AKAP13: variants seen among roughly 807,000 people sequenced by gnomAD.
The protein encoded by AKAP13 is A-kinase anchor protein 13.
In AKAP13, 80 loss-of-function variants were observed where a neutral mutation model predicts 264.5. That is an observed-to-expected ratio of 0.30 (90% confidence interval 0.25 to 0.36). The LOEUF (loss-of-function observed/expected upper bound fraction) is 0.36. Ranked by LOEUF, AKAP13 falls within the 10% of genes least tolerant of loss-of-function variation. AKAP13 has a pLI of 1.00. For missense variants in AKAP13, 3,712 were observed against 3,435.2 expected, an observed-to-expected ratio of 1.08 and a Z score of -2.01; for synonymous variants, 1,380 against 1,250.2, an observed-to-expected ratio of 1.10 and a Z score of -2.19.
At chr15:85,690,850 G>T (rs557932940) in intron 16 of AKAP13, among the ~76,000 whole-genome samples, 1 of 152,194 alleles carries the variant, frequency 6.6e-6, no homozygotes, top group African/African-American at 2.4e-5. Context: ...AGTTATTGGC[G>T]TGTGGCCTCA....
rs1353411659 is a variant in AKAP13, at chr15:85,747,102, G to T, written c.*2425G>T. On this transcript the variant is annotated 3_prime_UTR_variant, in exon 37 of 37. Transcript: ENST00000394518. ...ACTCAAAACGATTTGGTCAGGTTCT[G>T]GTTGGACAAGTTTAAAATCAAAGTA... 1 of 152,140 alleles carries T rather than the reference G, an allele frequency of 6.6e-6. No homozygotes were observed. Among genetic ancestry groups the T allele is most frequent in the African/African-American group, 2.4e-5 (1 of 41,416 alleles). The allele number at this position is 152,140 out of a possible 1,614,324, so 9.4% of individuals were successfully genotyped here.
intron 10 of AKAP13, among the ~76,000 whole-genome samples, chr15:85,648,739 T>C (rs1424045723): frequency 6.6e-6 from 1 of 152,108 alleles, no homozygotes; most frequent in Non-Finnish European, 1.5e-5. Flanking sequence ...TTCAGGAGGC[T>C]GAGGTGGGAA....
At chr15:85,612,281 T>G (rs1280801832) in intron 8 of AKAP13, among the ~76,000 whole-genome samples, 4 of 152,208 alleles carry the variant, frequency 2.6e-5, no homozygotes, top group Non-Finnish European at 5.9e-5. Context: ...CATGAAACAT[T>G]TATTATGCTT....
intron 2 of AKAP13, among the ~76,000 whole-genome samples, chr15:85,494,156 A>G (rs1347542523): frequency 6.6e-6 from 1 of 152,220 alleles, no homozygotes; most frequent in African/African-American, 2.4e-5. Flanking sequence ...TGGAGATTCA[A>G]TACCACCTTA....
chr15:85,711,267 G>A (rs1366989551), intron 19 of AKAP13, among the ~76,000 whole-genome samples: 1 of 152,012 alleles, frequency 6.6e-6, no homozygotes, highest in African/African-American at 2.4e-5. Flanking sequence ...TCAGAATTGA[G>A]TAAATCACAC....
intron 8 of AKAP13, among the ~76,000 whole-genome samples, chr15:85,613,713 T>TATATATATATATATATATATATA (rs1254657975): frequency 1.9e-4 from 21 of 110,940 alleles, no homozygotes; most frequent in Non-Finnish European, 2.9e-4. Context: ...TATATATATA[T>TATATATATATATATATATATATA]TAGGAGTGCT....
At chr15:85,485,801 C>G in intron 2 of AKAP13, 48 bp downstream of exon 2, 5 of 1,576,950 alleles carry the variant, frequency 3.2e-6, no homozygotes, top group Non-Finnish European at 4.4e-6. Context: ...ATCTGTTCTG[C>G]TTACTTGTTA....
intron 1 of AKAP13, among the ~76,000 whole-genome samples, chr15:85,447,488 A>G (rs1239436995): frequency 6.6e-6 from 1 of 152,098 alleles, no homozygotes; most frequent in African/African-American, 2.4e-5. Context: ...TAAGTTCAGT[A>G]CATAATAGTT....
At chr15:85,493,843 A>G (rs2075800657) in intron 2 of AKAP13, among the ~76,000 whole-genome samples, 1 of 152,178 alleles carries the variant, frequency 6.6e-6, no homozygotes, top group Non-Finnish European at 1.5e-5. Flanking sequence ...AGCCAAGCAC[A>G]TGAAGGAAAG....
chr15:85,576,326 T>G (rs1165259088), intron 6 of AKAP13, among the ~76,000 whole-genome samples: 1 of 152,172 alleles, frequency 6.6e-6, no homozygotes, highest in Non-Finnish European at 1.5e-5. Flanking sequence ...GTGGCGATGA[T>G]ATGTACCATT....
At chr15:85,728,797 C>T (rs1468307725) in intron 29 of AKAP13, among the ~76,000 whole-genome samples, 1 of 151,780 alleles carries the variant, frequency 6.6e-6, no homozygotes, top group Non-Finnish European at 1.5e-5. Context: ...GGATCTTAAG[C>T]TGGAAATGCA....
At chr15:85,601,648 G>GTGTGTGTGTT (rs1228684653) in intron 8 of AKAP13, among the ~76,000 whole-genome samples, 3 of 147,668 alleles carry the variant, frequency 2.0e-5, no homozygotes, top group Non-Finnish European at 4.5e-5. Context: ...GTGTGTGTGT[G>GTGTGTGTGTT]TTTTTCTTCC....
intron 6 of AKAP13, among the ~76,000 whole-genome samples, chr15:85,577,310 A>C (rs984074736): frequency 4.9e-5 from 6 of 123,236 alleles, no homozygotes; most frequent in African/African-American, 1.8e-4. Context: ...ATATTATTGC[A>C]GTAGATCAGG....
In AKAP13 at chr15:85,653,122, C is replaced by T. The variant is rs1456896859; in HGVS notation, c.4375-2295C>T. Among the ~76,000 whole-genome samples, 3 of 152,156 alleles carry T rather than the reference C, an allele frequency of 2.0e-5. No individual in the cohort carries two copies. In the East Asian group the frequency reaches 5.8e-4, roughly 29 times the overall value. On this transcript the variant is annotated intron_variant, in intron 10 of 36. Coordinates refer to ENST00000394518, the MANE Select transcript of AKAP13 (RefSeq NM_007200.5). ...GGACCCCTTTAGGAAACCCCTGAGT[C>T]CCTCACTCAGAAAGCATAGTCAGTT...
chr15:85,418,957 G>T (rs866648419), intron 1 of AKAP13, among the ~76,000 whole-genome samples: 6 of 152,316 alleles, frequency 3.9e-5, no homozygotes, highest in Admixed American at 1.3e-4. Context: ...GCTGTGTGCT[G>T]GGCATTGTTT....
chr15:85,704,926 G>C (rs2086145981), intron 17 of AKAP13, among the ~76,000 whole-genome samples: 1 of 152,184 alleles, frequency 6.6e-6, no homozygotes, highest in Non-Finnish European at 1.5e-5. Flanking sequence ...AACTGTCACT[G>C]TGAATTGAGT....
intron 8 of AKAP13, among the ~76,000 whole-genome samples, chr15:85,612,375 C>T (rs1248633774): frequency 2.0e-5 from 3 of 152,120 alleles, no homozygotes; most frequent in Non-Finnish European, 4.4e-5. Context: ...TTTTCAAGAT[C>T]TAGATTACCA....
chr15:85,470,996 T>C (rs2074940243), intron 1 of AKAP13, among the ~76,000 whole-genome samples: 1 of 152,208 alleles, frequency 6.6e-6, no homozygotes, highest in Non-Finnish European at 1.5e-5. Flanking sequence ...AGTTACCTAG[T>C]TTTATGTACT....
At chr15:85,542,438 T>A (rs887075969) in intron 4 of AKAP13, among the ~76,000 whole-genome samples, 2 of 152,198 alleles carry the variant, frequency 1.3e-5, no homozygotes, top group Non-Finnish European at 2.9e-5. Flanking sequence ...CAGTGTAAAA[T>A]CACAGCTTCA....
Sources: gnomAD v4.1 joint callset for allele counts (sites outside exome capture counted in the v4.1 genomes callset) on GRCh38, gnomAD v4.1.1 for gene constraint, MANE v1.5 for transcripts, NCBI Gene and HGNC (gene_info 2026-07-23, HGNC 2026-07-21) for gene names.